Variants in FBXO10 observed in about 807,000 individuals in gnomAD.
FBXO10 encodes F-box protein 10, also known as F-box only protein 10.
Under a neutral mutation model 80.7 loss-of-function variants are expected in FBXO10, and 39 were observed. The observed-to-expected ratio is 0.48, with a 90% confidence interval of 0.37 to 0.63. The LOEUF is 0.63. Among genes scored for constraint, FBXO10 ranks in the 30% least tolerant of loss-of-function variants. FBXO10 has a pLI of 0.00. For synonymous variants in FBXO10, 449 were observed against 489.6 expected (o/e 0.92, Z 1.09); for missense variants, 1,025 against 1,269.0 (o/e 0.81, Z 2.92).
In FBXO10 at chr9:37,521,586, C is replaced by T. The variant is rs1353182728; in HGVS notation, c.2183G>A (p.Ser728Asn). Residue 728 changes from serine to asparagine, a missense_variant, in exon 8 of 11, where the codon AGT becomes AAT. Coordinates refer to ENST00000432825, the MANE Select transcript of FBXO10 (RefSeq NM_012166.3). ...PITIALVESN[S>N]INHNGASGLY... ...ATACTCACCTCCATTGTGATTAATA[C>T]TGTTAGACTCAACAAGAGCTATGGT... is the stretch of plus-strand genomic sequence containing the variant. 1.2e-6 allele frequency: 2 copies of T among 1,612,594 alleles called. No homozygotes were observed. The highest frequency in any genetic ancestry group is 2.2e-5 in the South Asian group (2 of 90,642).
chr9:37,542,625 G>A lies in FBXO10; in HGVS notation c.-6-851C>T, dbSNP rs564195513. ...AAAAAAAAAAAAAGGATACGACTCC[G>A]GAACTGCCAGGTTCACCACCATGTG... On this transcript the variant is annotated intron_variant, in intron 1 of 10. Coordinates refer to ENST00000432825, the MANE Select transcript of FBXO10 (RefSeq NM_012166.3). Among the ~76,000 whole-genome samples the A allele has an allele frequency of 4.5e-4, 67 of 149,650 alleles. 1 individual carries two copies. Among genetic ancestry groups the A allele is most frequent in the Middle Eastern group, 3.5e-3 (1 of 286 alleles).
chr9:37,526,846 T>C (rs1329349495), intron 5 of FBXO10, among the ~76,000 whole-genome samples: 1 of 150,040 alleles, frequency 6.7e-6, no homozygotes, highest in East Asian at 1.9e-4. Flanking sequence ...TATTTATTTA[T>C]TTATTTATTT....
chr9:37,535,138 A>T (rs1239549793), intron 3 of FBXO10, among the ~76,000 whole-genome samples: 1 of 152,156 alleles, frequency 6.6e-6, no homozygotes. Context: ...AGCCTACGGG[A>T]CGCTGAGGAT....
chr9:37,542,596 CA>C (rs34458549), intron 1 of FBXO10, among the ~76,000 whole-genome samples: 63 of 126,158 alleles, frequency 5.0e-4, no homozygotes, highest in Middle Eastern at 4.0e-3. Context: ...ATCTCCATCT[CA>C]AAAAAAAAAA....
intron 1 of FBXO10, among the ~76,000 whole-genome samples, chr9:37,550,327 C>T (rs1210801960): frequency 3.3e-5 from 5 of 150,456 alleles, no homozygotes; most frequent in Admixed American, 3.3e-4. Flanking sequence ...GTATTACAGG[C>T]ACCCGCCACA....
At chr9:37,515,872 G>C in intron 10 of FBXO10, 32 bp downstream of exon 10, 1 of 1,601,754 alleles carries the variant, frequency 6.2e-7, no homozygotes, top group Middle Eastern at 1.7e-4. Flanking sequence ...TGTGGCTCTA[G>C]AGGACTCGTT....
chr9:37,540,102 C>T (rs767183999), intron 2 of FBXO10, among the ~76,000 whole-genome samples: 38 of 152,246 alleles, frequency 2.5e-4, no homozygotes, highest in Non-Finnish European at 4.7e-4. Context: ...CACACTACAT[C>T]TGTCACAAAT....
Position 37,512,456 on chromosome 9 carries a change from AG to A in FBXO10, c.*90del. The A allele has an allele frequency of 7.1e-7, 1 of 1,408,168 alleles. No individual in the cohort carries two copies. Among genetic ancestry groups the A allele is most frequent in the South Asian group, 1.4e-5 (1 of 72,314 alleles). The allele number at this position is 1,408,168 out of a possible 1,614,324, so 87.2% of individuals were successfully genotyped here. On this transcript the variant is annotated 3_prime_UTR_variant, in exon 11 of 11. Transcript: ENST00000432825. ...CCCGGGACCCATTTGTTCGAGGGGG[AG>A]GGGGAGGGGCGGAGTCTTTTCAGGC...
chr9:37,545,011 AAG>A (rs1554647296), intron 1 of FBXO10, among the ~76,000 whole-genome samples: 1 of 139,582 alleles, frequency 7.2e-6, no homozygotes, highest in Admixed American at 7.1e-5. Context: ...AAAAAAAAAA[AAG>A]AGAGAGAAAA....
At chr9:37,560,034 C>G (rs1440635327) in intron 1 of FBXO10, among the ~76,000 whole-genome samples, 1 of 152,062 alleles carries the variant, frequency 6.6e-6, no homozygotes, top group Non-Finnish European at 1.5e-5. Flanking sequence ...CAGTTCTGAC[C>G]CCTTGGAGCC....
At chr9:37,525,748 A>C (rs892033360) in intron 5 of FBXO10, among the ~76,000 whole-genome samples, 2 of 152,084 alleles carry the variant, frequency 1.3e-5, no homozygotes, top group African/African-American at 4.8e-5. Context: ...TACGTTGCCC[A>C]GGCTGGTCTC....
chr9:37,552,440 T>C (rs1822219779), intron 1 of FBXO10, among the ~76,000 whole-genome samples: 1 of 152,094 alleles, frequency 6.6e-6, no homozygotes, highest in African/African-American at 2.4e-5. Context: ...TCCCAGCACT[T>C]TGGGAGGCCG....
intron 1 of FBXO10, among the ~76,000 whole-genome samples, chr9:37,558,813 CTT>C (rs34174564): frequency 4.6e-4 from 66 of 144,746 alleles, no homozygotes; most frequent in Admixed American, 1.0e-3. Flanking sequence ...GAAAGAAAAT[CTT>C]TTTTTTTTTT....
At chr9:37,569,337 G>C (rs1822688249) in intron 1 of FBXO10, among the ~76,000 whole-genome samples, 1 of 123,880 alleles carries the variant, frequency 8.1e-6, no homozygotes, top group Admixed American at 9.0e-5. Context: ...GAATTAAGAA[G>C]ATAAAACAAC....
At chr9:37,562,393 G>T (rs1822503909) in intron 1 of FBXO10, among the ~76,000 whole-genome samples, 2 of 152,220 alleles carry the variant, frequency 1.3e-5, no homozygotes, top group African/African-American at 2.4e-5. Context: ...AGGGGACACA[G>T]GAAGTGCTGA....
At chr9:37,534,547 T>C (rs1045654488) in intron 3 of FBXO10, among the ~76,000 whole-genome samples, 7 of 152,212 alleles carry the variant, frequency 4.6e-5, no homozygotes, top group Non-Finnish European at 7.3e-5. Flanking sequence ...TACAAGCCAG[T>C]AAGAACTCAG....
intron 1 of FBXO10, among the ~76,000 whole-genome samples, chr9:37,557,409 T>C (rs1822364049): frequency 6.6e-6 from 1 of 152,230 alleles, no homozygotes; most frequent in African/African-American, 2.4e-5. Flanking sequence ...AATTTGAATG[T>C]TGCTTTTCTC....
At chr9:37,563,328 G>A (rs955912973) in intron 1 of FBXO10, among the ~76,000 whole-genome samples, 7 of 152,140 alleles carry the variant, frequency 4.6e-5, no homozygotes, top group African/African-American at 1.7e-4. Flanking sequence ...ACAGTAAATT[G>A]GTACTACAGA....
intron 1 of FBXO10, among the ~76,000 whole-genome samples, chr9:37,562,418 A>T (rs1200248649): frequency 6.6e-6 from 1 of 152,214 alleles, no homozygotes; most frequent in Non-Finnish European, 1.5e-5. Flanking sequence ...TTCCACAGGG[A>T]TGAACCACGG....
Sources: allele counts gnomAD v4.1 joint callset (sites outside exome capture counted in the v4.1 genomes callset), GRCh38; gene constraint gnomAD v4.1.1; transcripts MANE v1.5; gene names NCBI Gene and HGNC (gene_info 2026-07-23, HGNC 2026-07-21).